ASXL1: variants seen among roughly 807,000 people sequenced by gnomAD.
ASXL1 encodes the protein polycomb group protein ASXL1.
In ASXL1, 65 loss-of-function variants were observed where a neutral mutation model predicts 89.1. That is an observed-to-expected ratio of 0.73 (90% CI 0.60 to 0.90). The LOEUF (loss-of-function observed/expected upper bound fraction) is 0.90. ASXL1 is among the 40% of genes least tolerant of loss of function. The probability of loss-of-function intolerance (pLI) is 0.00; values close to 1 mark genes in which losing one functional copy is unlikely to be tolerated. For synonymous variants in ASXL1, 739 were observed against 746.9 expected, an observed-to-expected ratio of 0.99 and a Z score of 0.17; for missense variants, 1,786 against 1,942.9, an observed-to-expected ratio of 0.92 and a Z score of 1.52.
Position 32,436,885 on chromosome 20 carries a change from T to G in ASXL1, c.4173T>G (p.Ser1391Arg), listed in dbSNP as rs778791558. The stretch of plus-strand genomic sequence containing the variant: ...AGAACAGGAAAGCTACTGGGCATAG[T>G]CCCCTGGAACTGGTGGGTCACTTGG... ...NAENRKATGH[S>R]PLELVGHLEG... Residue 1391 changes from serine (S) to arginine (R), a missense_variant, in exon 13 of 13, where the codon AGT (serine) becomes AGG (arginine). Coordinates refer to ENST00000375687, the MANE Select transcript of ASXL1 (RefSeq NM_015338.6). 10 of 1,614,120 alleles carry G rather than the reference T, an allele frequency of 6.2e-6. No individual in the cohort carries two copies. The highest frequency in any genetic ancestry group is 1.7e-5 in the Admixed American group (1 of 60,026).
chr20:32,410,426 C>A (rs1427771569), intron 4 of ASXL1, among the ~76,000 whole-genome samples: 1 of 151,904 alleles, frequency 6.6e-6, no homozygotes, highest in African/African-American at 2.4e-5. Context: ...CAGGTGTGAG[C>A]CACTGTGCCC....
In ASXL1 at chr20:32,434,588, G is replaced by C; in HGVS notation, c.1876G>C (p.Gly626Arg). Residue 626 changes from glycine (G) to arginine (R), a missense_variant, in exon 13 of 13, where the codon GGG becomes CGG. Physicochemically the swap from Gly to Arg is moderately radical, Grantham distance 125. Transcript: ENST00000375687. Reference protein sequence around the residue: ...DIKARALQVRGARGHHCHREA... With the variant: ...DIKARALQVRRARGHHCHREA... ...TAAAGCCCGTGCTCTGCAGGTCCGA[G>C]GGGCGAGAGGTCACCACTGCCATAG... 1 of 1,613,138 alleles carries C rather than the reference G, an allele frequency of 6.2e-7. No individual in the cohort carries two copies. Among genetic ancestry groups the C allele is most frequent in the Non-Finnish European group, 8.5e-7 (1 of 1,179,904 alleles).
chr20:32,428,617 T>G, intron 6 of ASXL1, 195 bp downstream of exon 6: 1 of 531,788 alleles, frequency 1.9e-6, no homozygotes, highest in Non-Finnish European at 3.4e-6. Flanking sequence ...AAGTTTTTTC[T>G]CTTTCTTTAC....
At chr20:32,384,282 C>G (rs961637313) in intron 4 of ASXL1, among the ~76,000 whole-genome samples, 3 of 140,454 alleles carry the variant, frequency 2.1e-5, no homozygotes, top group African/African-American at 7.9e-5. Context: ...TCTTTGCTCA[C>G]TGCAACCTCC....
In ASXL1 at chr20:32,436,008, C is replaced by T; in HGVS notation, c.3296C>T (p.Ser1099Phe). The part of the protein sequence containing the change: ...PRAVCLSMPG[S>F]SVEATNPLVM... ...GCCGTGTGCCTGTCCATGCCTGGGT[C>T]CTCAGTGGAGGCCACTAACCCACTT... Residue 1099 changes from serine to phenylalanine, a missense_variant, in exon 13 of 13, where the codon TCC becomes TTC. Physicochemically the swap from Ser to Phe is radical, Grantham distance 155. Coordinates refer to ENST00000375687, the MANE Select transcript of ASXL1 (RefSeq NM_015338.6). 6.2e-7 allele frequency: 1 copy of T among 1,614,158 alleles called. No individual in the cohort carries two copies. The highest frequency in any genetic ancestry group is 8.5e-7 in the Non-Finnish European group (1 of 1,180,036).
chr20:32,422,090 A>G (rs964393900), intron 4 of ASXL1, among the ~76,000 whole-genome samples: 6 of 147,154 alleles, frequency 4.1e-5, no homozygotes, highest in African/African-American at 1.5e-4. Flanking sequence ...CGTGTTAGCC[A>G]GGATGGTCTC....
At chr20:32,416,773 A>G (rs917131589) in intron 4 of ASXL1, among the ~76,000 whole-genome samples, 11 of 152,228 alleles carry the variant, frequency 7.2e-5, no homozygotes, top group African/African-American at 2.7e-4. Flanking sequence ...TGTGGGGGTT[A>G]GTGAAAAGAT....
intron 4 of ASXL1, among the ~76,000 whole-genome samples, chr20:32,406,239 G>T (rs1426923735): frequency 6.6e-6 from 1 of 151,934 alleles, no homozygotes; most frequent in Non-Finnish European, 1.5e-5. Context: ...ATATGTATAA[G>T]TCCTTTTTCC....
chr20:32,407,402 C>A (rs1258334083), intron 4 of ASXL1, among the ~76,000 whole-genome samples: 1 of 152,140 alleles, frequency 6.6e-6, no homozygotes, highest in East Asian at 1.9e-4. Flanking sequence ...ACTCTGGATA[C>A]ATACTGTATC....
At position 32,358,470 on chromosome 20, in the gene ASXL1, C is replaced by G. The variant is rs2048048437; in HGVS notation, c.-306C>G. The G allele has an allele frequency of 2.2e-5, 5 of 231,730 alleles. No homozygotes were observed. The Admixed American group carries it at 2.3e-4, about 10-fold the overall frequency. The allele number at this position is 231,730 out of a possible 1,614,324, so 14.4% of individuals were successfully genotyped here. On this transcript the variant is annotated 5_prime_UTR_variant, in exon 1 of 13. Transcript: ENST00000375687. ...GGAAAGCGGAGGCCGGAGCCGTGAC[C>G]TCTGACCCCGTGGTTATGCGGAGCC...
Position 32,436,091 on chromosome 20 carries a change from G to T in ASXL1, c.3379G>T (p.Asp1127Tyr), listed in dbSNP as rs201009558. 1.2e-6 allele frequency: 2 copies of T among 1,614,174 alleles called. No individual in the cohort carries two copies. The highest frequency in any genetic ancestry group is 1.7e-6 in the Non-Finnish European group (2 of 1,180,044). The change falls in exon 13 of 13, where the codon GAT becomes TAT. Residue 1127 changes from aspartate (D) to tyrosine (Y), a missense_variant. Asp to Tyr is a radical substitution (Grantham distance 160, BLOSUM62 -3). This residue lies in a region of ASXL1 where 1,418 missense variants were observed against 1,427.8 expected (regional missense o/e 0.99). Coordinates refer to ENST00000375687, the MANE Select transcript of ASXL1 (RefSeq NM_015338.6). ...AGAGAAGGTTCTTCCACCAGCCCACGATGACAGCATGTCAGAATCCCCACA... is the reference window on the plus strand; with the variant it reads ...AGAGAAGGTTCTTCCACCAGCCCACTATGACAGCATGTCAGAATCCCCACA... ...PLEKVLPPAHDDSMSESPQVP... is the reference protein window; with the variant it reads ...PLEKVLPPAHYDSMSESPQVP...
chr20:32,361,197 A>G (rs1420384167), intron 1 of ASXL1, among the ~76,000 whole-genome samples: 1 of 152,240 alleles, frequency 6.6e-6, no homozygotes, highest in Non-Finnish European at 1.5e-5. Flanking sequence ...CAGCAACAAA[A>G]TGAGCTGGGC....
chr20:32,424,128 C>T (rs2011208764), intron 4 of ASXL1, among the ~76,000 whole-genome samples: 1 of 152,186 alleles, frequency 6.6e-6, no homozygotes, highest in Non-Finnish European at 1.5e-5. Flanking sequence ...CTTGGTAAAG[C>T]ATTTAACACC....
At chr20:32,398,648 C>T (rs868083920) in intron 4 of ASXL1, among the ~76,000 whole-genome samples, 35 of 114,834 alleles carry the variant, frequency 3.0e-4, no homozygotes, top group African/African-American at 1.0e-3. Context: ...CTTGCTCTGT[C>T]GCCCAGGCTG....
At chr20:32,393,575 C>T (rs2048709691) in intron 4 of ASXL1, among the ~76,000 whole-genome samples, 1 of 151,992 alleles carries the variant, frequency 6.6e-6, no homozygotes, top group Non-Finnish European at 1.5e-5. Flanking sequence ...GGGTTCAAGT[C>T]ATTCTCTTGC....
chr20:32,433,858 AGT>A lies in ASXL1; in HGVS notation c.1663_1664del (p.Val555SerfsTer9). 1 of 1,614,006 alleles carries A rather than the reference AGT, an allele frequency of 6.2e-7. No homozygotes were observed. The highest frequency in any genetic ancestry group is 8.5e-7 in the Non-Finnish European group (1 of 1,180,038). ...DRQSFRNTIE[S>X]VHTEKPQPTK... ...TCAGTCCTTTCGTAACACAATTGAAAGTGTTCACACCGAAAAGCCACAGCCCA... is the reference window on the plus strand; with the variant it reads ...TCAGTCCTTTCGTAACACAATTGAAAGTTCACACCGAAAAGCCACAGCCCA... On this transcript the variant is annotated frameshift_variant, in exon 12 of 13. Coordinates refer to ENST00000375687, the MANE Select transcript of ASXL1 (RefSeq NM_015338.6). LOFTEE classifies it high-confidence loss of function.
At chr20:32,425,499 T>G (rs1259966367) in intron 4 of ASXL1, among the ~76,000 whole-genome samples, 1 of 152,230 alleles carries the variant, frequency 6.6e-6, no homozygotes, top group Non-Finnish European at 1.5e-5. Context: ...CTTGATATTG[T>G]CAAACTTTAA....
chr20:32,358,741 C>A lies in ASXL1; in HGVS notation c.-35C>A, dbSNP rs2122754295. 4 of 1,009,824 alleles carry A rather than the reference C, an allele frequency of 4.0e-6. No individual in the cohort carries two copies. The highest frequency in any genetic ancestry group is 5.6e-6 in the Non-Finnish European group (4 of 720,392). The allele number at this position is 1,009,824 out of a possible 1,614,324, so 62.6% of individuals were successfully genotyped here. On this transcript the variant is annotated 5_prime_UTR_variant, in exon 1 of 13. Coordinates refer to ENST00000375687, the MANE Select transcript of ASXL1 (RefSeq NM_015338.6). ...GCCCCAGCCCGCCCAGCCCGGAGGT[C>A]CCGCGTGGAGCTGCCGCCGCCGCCG... is the stretch of plus-strand genomic sequence containing the variant.
intron 9 of ASXL1, 26 bp downstream of exon 9, chr20:32,431,510 C>A (rs771081523): frequency 1.2e-6 from 2 of 1,613,956 alleles, no homozygotes; most frequent in Non-Finnish European, 1.7e-6. Context: ...CTCCCCTTTG[C>A]CTCTCTCTGG....
Sources: gnomAD v4.1 joint callset for allele counts (sites outside exome capture counted in the v4.1 genomes callset) on GRCh38, gnomAD v4.1.1 for gene constraint, gnomAD v4.1.1 regional missense constraint, MANE v1.5 for transcripts, NCBI Gene and HGNC (gene_info 2026-07-23, HGNC 2026-07-21) for gene names.